The following PGM1 variants were observed in gnomAD, a reference collection of about 807,000 sequenced individuals.
PGM1 encodes the protein phosphoglucomutase-1.
In PGM1, 52 loss-of-function variants were observed where a neutral mutation model predicts 55.6. That is an observed-to-expected ratio of 0.94 (90% CI 0.75 to 1.18). The LOEUF (loss-of-function observed/expected upper bound fraction) is 1.18. PGM1 is among the 50% of genes most tolerant of loss of function. The pLI is 0.00. For missense variants in PGM1, 724 were observed against 729.3 expected (o/e 0.99, Z 0.08); for synonymous variants, 287 against 271.7 (o/e 1.06, Z -0.55).
rs755633078 is a variant in PGM1, at chr1:63,593,632, G to T, written c.144G>T (p.Glu48Asp). 41 of 1,612,078 alleles carry T rather than the reference G, an allele frequency of 2.5e-5. No individual in the cohort carries two copies. The highest frequency in any genetic ancestry group is 3.3e-5 in the Non-Finnish European group (39 of 1,179,396). Reference protein sequence around the residue: ...NFIQSIISTVEPAQRQEATLV... With the variant: ...NFIQSIISTVDPAQRQEATLV... ...TCCAGAGTATCATCTCCACCGTGGA[G>T]CCGGCGCAGCGGCAGGAGGCCACGC... The change falls in exon 1 of 11, where the codon GAG (glutamate) becomes GAT (aspartate). Residue 48 changes from glutamate (E) to aspartate (D), a missense_variant. Around this residue, in one of 3 missense-constraint regions of PGM1, gnomAD observed 379 missense variants for 357.5 expected, o/e 1.06. Transcript: ENST00000371084.
intron 7 of PGM1, among the ~76,000 whole-genome samples, chr1:63,647,275 T>TATATATATATATATAC (rs1649677694): frequency 2.2e-5 from 1 of 46,314 alleles, no homozygotes; most frequent in Non-Finnish European, 3.7e-5. Context: ...TATATATATA[T>TATATATATATATATAC]ATATATATAT....
chr1:63,604,959 G>GTGTGTGTGTGTGTGT (rs58900430), intron 1 of PGM1, among the ~76,000 whole-genome samples: 6 of 134,234 alleles, frequency 4.5e-5, no homozygotes, highest in Admixed American at 2.2e-4. Flanking sequence ...GTGTGTGTGT[G>GTGTGTGTGTGTGTGT]TAAAGAGAGG....
intron 7 of PGM1, among the ~76,000 whole-genome samples, chr1:63,648,254 C>T (rs1649705363): frequency 6.6e-6 from 1 of 152,164 alleles, no homozygotes; most frequent in Non-Finnish European, 1.5e-5. Context: ...AGGCAGCCGG[C>T]ACCTTCTTCA....
chr1:63,593,453 G>C lies in PGM1; in HGVS notation c.-36G>C. The C allele has an allele frequency of 6.2e-7, 1 of 1,612,474 alleles. No homozygotes were observed. Among genetic ancestry groups the C allele is most frequent in the Non-Finnish European group, 8.5e-7 (1 of 1,179,578 alleles). ...AGCCGGCCGCCCCTCCGCCAGCCAA[G>C]TCCGCCGCTCTGACCCCCGGCAGCA... On this transcript the variant is annotated 5_prime_UTR_variant, in exon 1 of 11. Coordinates refer to ENST00000371084, the MANE Select transcript of PGM1 (RefSeq NM_002633.3).
chr1:63,647,171 G>T (rs910338673), intron 7 of PGM1, among the ~76,000 whole-genome samples: 3 of 150,442 alleles, frequency 2.0e-5, no homozygotes, highest in African/African-American at 4.9e-5. Context: ...TGAGCCTGGG[G>T]GGCAGAGGTT....
intron 10 of PGM1, among the ~76,000 whole-genome samples, chr1:63,657,172 C>A (rs548490035): frequency 1.2e-4 from 19 of 152,206 alleles, no homozygotes; most frequent in Admixed American, 7.2e-4. Flanking sequence ...TCCACAAAGG[C>A]TTTTTTCTTT....
chr1:63,637,997 G>A, intron 6 of PGM1, among the ~76,000 whole-genome samples: 1 of 119,510 alleles, frequency 8.4e-6, no homozygotes, highest in Non-Finnish European at 1.6e-5. Flanking sequence ...CATGTTCAAA[G>A]GGAAAGGAAT....
intron 8 of PGM1, among the ~76,000 whole-genome samples, chr1:63,650,395 T>C (rs1649775848): frequency 6.6e-6 from 1 of 152,198 alleles, no homozygotes; most frequent in Non-Finnish European, 1.5e-5. Context: ...AAAACATTTC[T>C]CTGGAGTACC....
intron 1 of PGM1, chr1:63,623,180 A>G (rs1648928406): frequency 9.0e-6 from 11 of 1,223,434 alleles, no homozygotes; most frequent in Non-Finnish European, 1.1e-5. Flanking sequence ...ATTGAAGGGT[A>G]TTTGGCTTGG....
intron 10 of PGM1, 54 bp downstream of exon 10, chr1:63,654,520 T>G: frequency 6.3e-7 from 1 of 1,585,540 alleles, no homozygotes; most frequent in Non-Finnish European, 8.7e-7. Flanking sequence ...GGAATGATAG[T>G]TTCCCATTGA....
At chr1:63,600,879 C>G (rs998614378) in intron 1 of PGM1, among the ~76,000 whole-genome samples, 1 of 152,112 alleles carries the variant, frequency 6.6e-6, no homozygotes, top group African/African-American at 2.4e-5. Context: ...AAGTATTATT[C>G]TATTATAAAT....
At chr1:63,651,982 C>A in intron 9 of PGM1, 130 bp downstream of exon 9, 1 of 855,554 alleles carries the variant, frequency 1.2e-6, no homozygotes, top group Non-Finnish European at 1.9e-6. Context: ...GGTAGCTGTT[C>A]TTACCTGGTT....
chr1:63,628,922 TTGA>T (rs1649111693), intron 1 of PGM1, among the ~76,000 whole-genome samples: 1 of 152,192 alleles, frequency 6.6e-6, no homozygotes, highest in African/African-American at 2.4e-5. Context: ...GAAAGATAAA[TTGA>T]TGAGTCATTT....
intron 1 of PGM1, among the ~76,000 whole-genome samples, chr1:63,599,038 G>T (rs1648160089): frequency 6.6e-6 from 1 of 152,182 alleles, no homozygotes; most frequent in South Asian, 2.1e-4. Context: ...GGAAATAAAA[G>T]AACACTGAGC....
chr1:63,594,788 C>CAAAAAAAAA (rs34661751), intron 1 of PGM1, among the ~76,000 whole-genome samples: 885 of 90,208 alleles, frequency 9.8e-3, no homozygotes, highest in Non-Finnish European at 0.013. Flanking sequence ...CTAAAAAATA[C>CAAAAAAAAA]AAAAAAAAAA....
chr1:63,609,027 A>C (rs1648498235), intron 1 of PGM1, among the ~76,000 whole-genome samples: 1 of 152,234 alleles, frequency 6.6e-6, no homozygotes, highest in Non-Finnish European at 1.5e-5. Flanking sequence ...ATTGGAAGGC[A>C]GAGGGAGGGG....
chr1:63,631,952 G>A (rs908348541), intron 4 of PGM1, among the ~76,000 whole-genome samples, 170 bp downstream of exon 4: 4 of 152,182 alleles, frequency 2.6e-5, no homozygotes, highest in African/African-American at 9.6e-5. Context: ...CTAATTGTAT[G>A]TAGCAAAAAT....
intron 7 of PGM1, among the ~76,000 whole-genome samples, chr1:63,645,685 T>A (rs575728542): frequency 1.3e-5 from 2 of 152,352 alleles, no homozygotes; most frequent in Non-Finnish European, 2.9e-5. Flanking sequence ...TAGTTTTGCC[T>A]GCATCCGGGT....
chr1:63,631,884 T>C, intron 4 of PGM1, 102 bp downstream of exon 4: 1 of 1,150,382 alleles, frequency 8.7e-7, no homozygotes, highest in South Asian at 1.3e-5. Context: ...CAAGTCTCTC[T>C]GATGGTTTTT....
Sources: gnomAD v4.1 joint callset for allele counts (sites outside exome capture counted in the v4.1 genomes callset) on GRCh38, gnomAD v4.1.1 for gene constraint, gnomAD v4.1.1 regional missense constraint, MANE v1.5 for transcripts, NCBI Gene and HGNC (gene_info 2026-07-23, HGNC 2026-07-21) for gene names.